Variants in RALY observed in about 807,000 individuals in gnomAD.
RALY encodes the protein RNA-binding protein Raly.
RALY carries 15 observed loss-of-function variants against 30.7 expected under a neutral mutation model. That is an observed-to-expected ratio of 0.49 (90% CI 0.33 to 0.75). The LOEUF is 0.75. RALY is among the 30% of genes least tolerant of loss of function. The pLI, the probability that RALY is intolerant of heterozygous loss-of-function variation, is 0.02. For missense variants in RALY, 339 were observed against 414.3 expected, an observed-to-expected ratio of 0.82 and a Z score of 1.58; for synonymous variants, 177 against 170.8, an observed-to-expected ratio of 1.04 and a Z score of -0.28.
intron 1 of RALY, among the ~76,000 whole-genome samples, chr20:34,020,548 G>A (rs2031780150): frequency 6.6e-6 from 1 of 152,192 alleles, no homozygotes; most frequent in South Asian, 2.1e-4. Context: ...AGGAATAATG[G>A]ATTAGTCAAC....
chr20:34,014,950 CAAA>C (rs975919948), intron 1 of RALY: 7 of 151,740 alleles, frequency 4.6e-5, no homozygotes, highest in Non-Finnish European at 2.9e-5. Context: ...TTTTCAAAGT[CAAA>C]AAAAGAAATG....
chr20:34,008,281 C>T (rs1377200219), intron 1 of RALY, among the ~76,000 whole-genome samples: 2 of 151,996 alleles, frequency 1.3e-5, no homozygotes, highest in East Asian at 3.8e-4. Flanking sequence ...TATGGAGATG[C>T]TGAAGGAATC....
intron 5 of RALY, 26 bp downstream of exon 5, chr20:34,073,892 G>A (rs1318595473): frequency 3.1e-6 from 5 of 1,606,934 alleles, no homozygotes; most frequent in Non-Finnish European, 3.4e-6. Flanking sequence ...GCGTGCCCAG[G>A]CATGAAACAG....
intron 1 of RALY, among the ~76,000 whole-genome samples, chr20:34,013,478 T>C (rs907881285): frequency 6.6e-6 from 1 of 152,086 alleles, no homozygotes; most frequent in African/African-American, 2.4e-5. Context: ...AAGGGGCTTA[T>C]TGGGATGTAA....
chr20:34,072,273 C>T lies in RALY; in HGVS notation c.199C>T (p.His67Tyr). The change falls in exon 3 of 10, where the codon CAT becomes TAT. Residue 67 changes from histidine (H) to tyrosine (Y), a missense_variant. His to Tyr is a moderately conservative substitution (Grantham distance 83, BLOSUM62 2). Around this residue, in one of 2 missense-constraint regions of RALY, gnomAD observed 71 missense variants for 133.7 expected, o/e 0.53. Coordinates refer to ENST00000246194, the MANE Select transcript of RALY (RefSeq NM_016732.3). ...YAFVQYSNER[H>Y]ARAAVLGENG... is the part of the protein sequence containing the mutation. ...CTTTGTTCAGTACTCCAATGAGCGCCATGCCCGGGCAGCTGTGCTGGGAGA... is the reference window on the plus strand; with the variant it reads ...CTTTGTTCAGTACTCCAATGAGCGCTATGCCCGGGCAGCTGTGCTGGGAGA... 6.2e-7 allele frequency: 1 copy of T among 1,614,108 alleles called. No homozygotes were observed. Among genetic ancestry groups the T allele is most frequent in the Non-Finnish European group, 8.5e-7 (1 of 1,180,038 alleles).
intron 2 of RALY, among the ~76,000 whole-genome samples, chr20:34,062,623 C>G (rs939414965): frequency 9.9e-5 from 15 of 152,202 alleles, no homozygotes; most frequent in African/African-American, 3.4e-4. Context: ...TGAGCTCCAT[C>G]GGGGTTTCCA....
At chr20:34,035,757 T>C (rs1234348944) in intron 2 of RALY, among the ~76,000 whole-genome samples, 1 of 152,218 alleles carries the variant, frequency 6.6e-6, no homozygotes, top group African/African-American at 2.4e-5. Flanking sequence ...TAGTTTTCTC[T>C]CTGTAGTTTA....
At chr20:33,999,346 TTAC>T (rs2030801929) in intron 1 of RALY, among the ~76,000 whole-genome samples, 1 of 152,096 alleles carries the variant, frequency 6.6e-6, no homozygotes, top group Non-Finnish European at 1.5e-5. Flanking sequence ...ATGCTTTCAC[TTAC>T]CTCTGGTTAT....
intron 2 of RALY, among the ~76,000 whole-genome samples, chr20:34,063,942 A>G (rs1275913592): frequency 6.6e-6 from 1 of 152,020 alleles, no homozygotes; most frequent in African/African-American, 2.4e-5. Context: ...TGGCCATGGT[A>G]GATGTCGCCT....
At chr20:34,010,482 C>T (rs966151492) in intron 1 of RALY, among the ~76,000 whole-genome samples, 1 of 152,164 alleles carries the variant, frequency 6.6e-6, no homozygotes, top group African/African-American at 2.4e-5. Flanking sequence ...AGCCATCCTC[C>T]CGCCTTGGCC....
chr20:34,033,396 T>C (rs559277342), intron 2 of RALY, among the ~76,000 whole-genome samples: 132 of 152,336 alleles, frequency 8.7e-4, no homozygotes, highest in African/African-American at 3.1e-3. Flanking sequence ...CTGAGTAATT[T>C]ATAAAGAGAA....
At chr20:34,067,897 G>A (rs1187956909) in intron 2 of RALY, among the ~76,000 whole-genome samples, 1 of 146,904 alleles carries the variant, frequency 6.8e-6, no homozygotes, top group Non-Finnish European at 1.5e-5. Flanking sequence ...AGCCCCAAAT[G>A]AAAAATGGAA....
At chr20:34,011,618 T>C (rs2031401586) in intron 1 of RALY, among the ~76,000 whole-genome samples, 1 of 152,196 alleles carries the variant, frequency 6.6e-6, no homozygotes, top group Admixed American at 6.5e-5. Context: ...AGCTAGAGAC[T>C]TGATTAGAAC....
At chr20:34,005,161 A>G (rs1047151129) in intron 1 of RALY, among the ~76,000 whole-genome samples, 5 of 152,162 alleles carry the variant, frequency 3.3e-5, no homozygotes, top group Non-Finnish European at 5.9e-5. Flanking sequence ...CACTAGGGAC[A>G]TTCACTAGAG....
intron 5 of RALY, 131 bp from the exon 6 acceptor site, chr20:34,075,743 A>T: frequency 9.7e-7 from 1 of 1,027,088 alleles, no homozygotes; most frequent in Non-Finnish European, 1.4e-6. Flanking sequence ...AGGGCTTGCT[A>T]GGAGCCAGCA....
chr20:34,018,960 C>T (rs777285741), intron 1 of RALY, among the ~76,000 whole-genome samples: 24 of 152,076 alleles, frequency 1.6e-4, no homozygotes, highest in Non-Finnish European at 3.4e-4. Context: ...GGGCTAAATA[C>T]GGATTGGGGG....
At chr20:33,995,737 C>T (rs1330419136) in intron 1 of RALY, among the ~76,000 whole-genome samples, 3 of 152,292 alleles carry the variant, frequency 2.0e-5, no homozygotes, top group Admixed American at 1.3e-4. Flanking sequence ...TGCCTTTCCC[C>T]GCTTCCCTGT....
Position 34,082,169 on chromosome 20 carries a change from A to G in RALY, c.*2264A>G, listed in dbSNP as rs1390496690. 2.0e-5 allele frequency: 3 copies of G among 152,316 alleles called. No homozygotes were observed. The South Asian group carries it at 6.2e-4, about 32-fold the overall frequency. 9.4% of individuals were successfully genotyped at this position (152,316 alleles called of 1,614,324 possible). A position where few individuals can be genotyped will look rare whatever the true frequency, so the allele number is the denominator to read the frequency against. ...TGGAACATACTTCACCCATCCATGT[A>G]CCCACATCTTTCCTTGCCCAGAAGG... On this transcript the variant is annotated 3_prime_UTR_variant, in exon 10 of 10. Transcript: ENST00000246194.
intron 2 of RALY, among the ~76,000 whole-genome samples, chr20:34,048,673 G>A (rs1392012876): frequency 1.3e-5 from 2 of 151,936 alleles, no homozygotes; most frequent in African/African-American, 4.8e-5. Context: ...TGGCTAACAC[G>A]GTGAAACTCC....
Sources: gnomAD v4.1 joint callset for allele counts (sites outside exome capture counted in the v4.1 genomes callset) on GRCh38, gnomAD v4.1.1 for gene constraint, gnomAD v4.1.1 regional missense constraint, MANE v1.5 for transcripts, NCBI Gene and HGNC (gene_info 2026-07-23, HGNC 2026-07-21) for gene names.